The following DRC11 variants were observed in gnomAD, a reference collection of about 807,000 sequenced individuals.
DRC11 encodes the protein IQ and AAA domain-containing protein 1.
chr2:236,331,466 C>T, the DRC11 span: 2 of 1,614,008 alleles, frequency 1.2e-6, no homozygotes, highest in South Asian at 1.1e-5. The surrounding 1 kb of genome is among the most constrained non-coding windows in gnomAD (Gnocchi z 4.8). Context: ...ATTCTCTGAT[C>T]TGTGAGCACG....
the DRC11 span, among the ~76,000 whole-genome samples, chr2:236,498,607 T>C: frequency 4.6e-5 from 7 of 151,524 alleles, no homozygotes; most frequent in Non-Finnish European, 8.8e-5. Flanking sequence ...AGCAGAGGAG[T>C]ATGACCCTCT....
At chr2:236,363,166 A>G in the DRC11 span, among the ~76,000 whole-genome samples, 1 of 152,234 alleles carries the variant, frequency 6.6e-6, no homozygotes, top group Non-Finnish European at 1.5e-5. The surrounding 1 kb of genome is among the most constrained non-coding windows in gnomAD (Gnocchi z 5.6). Context: ...TAGAAATTAA[A>G]TTTTGTAAAG....
chr2:236,373,385 G>A, the DRC11 span, among the ~76,000 whole-genome samples: 1 of 151,718 alleles, frequency 6.6e-6, no homozygotes, highest in Non-Finnish European at 1.5e-5. Context: ...TGAGTAGCTG[G>A]GATTACAGGT....
the DRC11 span, among the ~76,000 whole-genome samples, chr2:236,499,492 G>A: frequency 3.1e-3 from 479 of 152,228 alleles, 3 homozygotes; most frequent in African/African-American, 0.011. The surrounding 1 kb of genome is among the most constrained non-coding windows in gnomAD (Gnocchi z 4.7). Context: ...GCAGTGGCAC[G>A]ATCTTGGCTC....
chr2:236,446,783 C>T, the DRC11 span, among the ~76,000 whole-genome samples: 1 of 152,204 alleles, frequency 6.6e-6, no homozygotes, highest in African/African-American at 2.4e-5. The surrounding 1 kb of genome is among the most constrained non-coding windows in gnomAD (Gnocchi z 6.2). Flanking sequence ...GCCAGCCACA[C>T]ACTCCTCAGG....
At chr2:236,438,354 T>C in the DRC11 span, among the ~76,000 whole-genome samples, 2 of 144,642 alleles carry the variant, frequency 1.4e-5, no homozygotes, top group Non-Finnish European at 3.0e-5. Flanking sequence ...AGCCTTGTAG[T>C]ATAGTTTGAA....
At chr2:236,392,384 A>G in the DRC11 span, 3 of 1,196,058 alleles carry the variant, frequency 2.5e-6, no homozygotes, top group Non-Finnish European at 3.5e-6. The surrounding 1 kb of genome is among the most constrained non-coding windows in gnomAD (Gnocchi z 5.1). Context: ...AAAGAAAAAG[A>G]AAAAATTTTA....
the DRC11 span, among the ~76,000 whole-genome samples, chr2:236,313,231 A>G: frequency 2.0e-5 from 3 of 152,188 alleles, no homozygotes; most frequent in African/African-American, 7.2e-5. This position sits in a 1 kb window ranked among gnomAD's most constrained non-coding sequence, Gnocchi z 4.5. Context: ...AACAAGTCTC[A>G]TTTAAGAACA....
the DRC11 span, among the ~76,000 whole-genome samples, chr2:236,459,520 T>TGTATACATGTATACGTATAC: frequency 8.8e-6 from 1 of 114,008 alleles, no homozygotes; most frequent in Non-Finnish European, 1.8e-5. Flanking sequence ...TACGTATACA[T>TGTATACATGTATACGTATAC]GTATACATGT....
the DRC11 span, among the ~76,000 whole-genome samples, chr2:236,500,118 T>TGATGATGATGATGGC: frequency 1.2e-4 from 18 of 150,474 alleles, no homozygotes; most frequent in African/African-American, 4.0e-4. The surrounding 1 kb of genome is among the most constrained non-coding windows in gnomAD (Gnocchi z 6.3). Flanking sequence ...ATGATGATGA[T>TGATGATGATGATGGC]GGCGAAGGTA....
At chr2:236,358,398 CATATATAA>C in the DRC11 span, among the ~76,000 whole-genome samples, 2 of 127,082 alleles carry the variant, frequency 1.6e-5, no homozygotes, top group Non-Finnish European at 3.3e-5. Flanking sequence ...ATATGAATAT[CATATATAA>C]ATATATATGA....
chr2:236,320,032 A>G, the DRC11 span, among the ~76,000 whole-genome samples: 7 of 152,236 alleles, frequency 4.6e-5, no homozygotes, highest in Non-Finnish European at 1.0e-4. Context: ...CACGGCACAC[A>G]GAGAGTGCTC....
At chr2:236,377,068 G>A in the DRC11 span, 3 of 1,312,880 alleles carry the variant, frequency 2.3e-6, no homozygotes, top group African/African-American at 1.5e-5. The surrounding 1 kb of genome is among the most constrained non-coding windows in gnomAD (Gnocchi z 4.9). Flanking sequence ...GAGGTGACAC[G>A]TGACACATAC....
chr2:236,507,441 G>T, the DRC11 span: 2 of 664,090 alleles, frequency 3.0e-6, no homozygotes, highest in South Asian at 3.7e-5. Context: ...GCAGGAAAAG[G>T]TGAGGCCGGG....
chr2:236,378,210 A>G, the DRC11 span, among the ~76,000 whole-genome samples: 8 of 152,220 alleles, frequency 5.3e-5, no homozygotes, highest in African/African-American at 1.9e-4. Context: ...CTGAAAGTTA[A>G]GAAATATTTA....
the DRC11 span, among the ~76,000 whole-genome samples, chr2:236,432,907 C>T: frequency 7.9e-5 from 12 of 152,096 alleles, no homozygotes; most frequent in South Asian, 4.2e-4. Flanking sequence ...TTGTTTTATA[C>T]GTAAGTGTTT....
chr2:236,314,195 TA>T, the DRC11 span, among the ~76,000 whole-genome samples: 1 of 152,196 alleles, frequency 6.6e-6, no homozygotes, highest in Non-Finnish European at 1.5e-5. The surrounding 1 kb of genome is among the most constrained non-coding windows in gnomAD (Gnocchi z 4.5). Flanking sequence ...GATATCTCAC[TA>T]AAAATTCAAT....
chr2:236,474,178 T>A, the DRC11 span, among the ~76,000 whole-genome samples: 24 of 152,062 alleles, frequency 1.6e-4, no homozygotes, highest in Non-Finnish European at 2.5e-4. Flanking sequence ...GTGTACAATT[T>A]CAATAGAATA....
the DRC11 span, among the ~76,000 whole-genome samples, chr2:236,352,525 G>T: frequency 6.6e-6 from 1 of 152,124 alleles, no homozygotes; most frequent in African/African-American, 2.4e-5. The surrounding 1 kb of genome is among the most constrained non-coding windows in gnomAD (Gnocchi z 7.0). Flanking sequence ...GTTGGCAGGC[G>T]CATCTGCTGG....
Sources: gnomAD v4.1 joint callset for allele counts (sites outside exome capture counted in the v4.1 genomes callset) on GRCh38, gnomAD v4.1.1 for gene constraint, Gnocchi (gnomAD v3.1) non-coding constraint, MANE v1.5 for transcripts, NCBI Gene and HGNC (gene_info 2026-07-23, HGNC 2026-07-21) for gene names.